Variants in TMEM132C observed in about 807,000 individuals in gnomAD.
TMEM132C encodes protein phosphatase 1, regulatory subunit 152.
TMEM132C carries 29 observed loss-of-function variants against 61.4 expected under a neutral mutation model. That is an observed-to-expected ratio of 0.47 (90% CI 0.35 to 0.64). TMEM132C has a LOEUF of 0.64. TMEM132C is among the 30% of genes least tolerant of loss of function. The probability of loss-of-function intolerance (pLI) is 0.00; values close to 1 mark genes in which losing one functional copy is unlikely to be tolerated. For synonymous variants in TMEM132C, 656 were observed against 633.1 expected (o/e 1.04, Z -0.54); for missense variants, 1,408 against 1,476.9 (o/e 0.95, Z 0.76).
intron 3 of TMEM132C, among the ~76,000 whole-genome samples, chr12:128,599,757 A>G (rs1288160952): frequency 6.6e-6 from 1 of 152,138 alleles, no homozygotes; most frequent in Non-Finnish European, 1.5e-5. Context: ...GAGGACAGAG[A>G]TTGTTAGTGT....
chr12:128,583,195 A>G (rs1356590692), intron 3 of TMEM132C, among the ~76,000 whole-genome samples: 1 of 152,230 alleles, frequency 6.6e-6, no homozygotes, highest in Admixed American at 6.5e-5. Context: ...ACTCCTAATT[A>G]TAAGTAATTT....
chr12:128,426,891 T>G (rs185617226), intron 2 of TMEM132C, among the ~76,000 whole-genome samples: 15 of 152,344 alleles, frequency 9.8e-5, no homozygotes, highest in Admixed American at 9.8e-4. Flanking sequence ...TTAGCCCATT[T>G]AAGTGTCGTC....
Position 128,705,511 on chromosome 12 carries a change from G to T in TMEM132C, c.2543G>T (p.Arg848Leu). The change falls in exon 9 of 9, where the codon CGT becomes CTT. Residue 848 changes from arginine (R) to leucine (L), a missense_variant. Transcript: ENST00000435159. ...CTCTATGGCAGCTCTCCCGTGGAGC[G>T]TGAGGAAGGGGCTCTCCGAAGAGCC... The part of the protein sequence containing the change: ...GHLYGSSPVE[R>L]EEGALRRATT... 1.3e-6 allele frequency: 2 copies of T among 1,550,948 alleles called. No individual in the cohort carries two copies. The highest frequency in any genetic ancestry group is 1.2e-5 in the South Asian group (1 of 84,044).
At position 128,427,569 on chromosome 12, in the gene TMEM132C, G is replaced by C. The variant is rs190959697; in HGVS notation, c.974+11949G>C. On this transcript the variant is annotated intron_variant, in intron 2 of 8. Coordinates refer to ENST00000435159, the MANE Select transcript of TMEM132C (RefSeq NM_001136103.3). ...CTCAGCCTAGGACACTTCCCCCAGG[G>C]CTGGATCCTCCAGACTCCCCTTCCC... is the stretch of plus-strand genomic sequence containing the variant. Among the ~76,000 whole-genome samples, 446 of 152,128 alleles carry C rather than the reference G, an allele frequency of 2.9e-3. 2 individuals carry two copies. The highest frequency in any genetic ancestry group is 0.01 in the African/African-American group (430 of 41,502).
At chr12:128,386,301 C>G (rs1221307305) in intron 1 of TMEM132C, among the ~76,000 whole-genome samples, 1 of 152,184 alleles carries the variant, frequency 6.6e-6, no homozygotes, top group East Asian at 1.9e-4. Context: ...CTTTCGCCAA[C>G]ATTTAACCCT....
intron 2 of TMEM132C, among the ~76,000 whole-genome samples, chr12:128,444,397 G>T (rs1869901812): frequency 6.6e-6 from 1 of 152,184 alleles, no homozygotes; most frequent in Non-Finnish European, 1.5e-5. Context: ...CAGGTGGAAG[G>T]CTCCGGATGG....
intron 2 of TMEM132C, among the ~76,000 whole-genome samples, chr12:128,477,111 C>T (rs543268344): frequency 6.6e-6 from 1 of 152,172 alleles, no homozygotes; most frequent in African/African-American, 2.4e-5. Context: ...AAACAACATT[C>T]ATTTATGATT....
At chr12:128,526,311 C>A (rs1424035046) in intron 2 of TMEM132C, among the ~76,000 whole-genome samples, 2 of 152,188 alleles carry the variant, frequency 1.3e-5, no homozygotes, top group African/African-American at 4.8e-5. Context: ...GATCAAGCCA[C>A]CTGCAGCTTT....
chr12:128,502,411 G>T (rs535312362), intron 2 of TMEM132C, among the ~76,000 whole-genome samples: 1 of 152,320 alleles, frequency 6.6e-6, no homozygotes, highest in South Asian at 2.1e-4. Context: ...GGGCCATTTG[G>T]ATAATAATGG....
At chr12:128,683,869 G>A (rs573357285) in intron 5 of TMEM132C, among the ~76,000 whole-genome samples, 7 of 152,272 alleles carry the variant, frequency 4.6e-5, no homozygotes, top group African/African-American at 1.7e-4. Flanking sequence ...GGGAGGCTGA[G>A]CCAGGAGAAT....
At chr12:128,419,556 G>T (rs555063887) in intron 2 of TMEM132C, among the ~76,000 whole-genome samples, 1 of 147,756 alleles carries the variant, frequency 6.8e-6, no homozygotes, top group African/African-American at 2.5e-5. Context: ...CTAACATCCT[G>T]ACAGCACCTA....
intron 3 of TMEM132C, among the ~76,000 whole-genome samples, chr12:128,580,470 A>G (rs1002503261): frequency 7.9e-5 from 12 of 152,130 alleles, no homozygotes; most frequent in Admixed American, 3.3e-4. Context: ...AACATAACCC[A>G]TGAAATAGCC....
chr12:128,425,259 G>C (rs1215596795), intron 2 of TMEM132C, among the ~76,000 whole-genome samples: 1 of 152,244 alleles, frequency 6.6e-6, no homozygotes, highest in Non-Finnish European at 1.5e-5. Context: ...ACCGCGGCCA[G>C]CCTTTGGTAC....
In TMEM132C at chr12:128,693,519, G is replaced by GATATT. The variant is rs1163000633; in HGVS notation, c.1450-310_1450-309insATATT. On this transcript the variant is annotated intron_variant, in intron 5 of 8. Transcript: ENST00000435159. ...AATATTCCCTCCTCTTACTCCTCAA[G>GATATT]TGGACAATTCTAGATACTTTTCATG... 2.0e-5 allele frequency among the ~76,000 whole-genome samples: 3 copies of GATATT among 152,274 alleles called. No homozygotes were observed. The East Asian group carries it at 5.8e-4, about 29-fold the overall frequency.
chr12:128,572,813 T>G (rs1254466710), intron 3 of TMEM132C, among the ~76,000 whole-genome samples: 1 of 152,274 alleles, frequency 6.6e-6, no homozygotes. Context: ...CATGCCCACT[T>G]CTTGAAGCCA....
At chr12:128,345,128 C>T (rs1873110944) in intron 1 of TMEM132C, among the ~76,000 whole-genome samples, 1 of 152,020 alleles carries the variant, frequency 6.6e-6, no homozygotes, top group African/African-American at 2.4e-5. Flanking sequence ...CATGATTTAG[C>T]TCCCACCTAT....
At chr12:128,489,315 T>C (rs6486687) in intron 2 of TMEM132C, among the ~76,000 whole-genome samples, 79,386 of 150,886 alleles carry the variant, frequency 0.53, 21,194 homozygotes, top group African/African-American at 0.6. Flanking sequence ...ACTTTCTTCT[T>C]GCCCACCATG....
rs1874846353 is a variant in TMEM132C, at chr12:128,570,676, T to C, written c.1121+26573T>C. On this transcript the variant is annotated intron_variant, in intron 3 of 8. Transcript: ENST00000435159. The surrounding 1 kb of genome is among the most constrained non-coding windows in gnomAD (Gnocchi z 4.7). ...CTGCTCTGCCATCTATGGCATGTGG[T>C]GGCTTTTCTCATGCTCACAGGATGA... Among the ~76,000 whole-genome samples, 1 of 152,182 alleles carries C rather than the reference T, an allele frequency of 6.6e-6. No individual in the cohort carries two copies. The highest frequency in any genetic ancestry group is 2.1e-4 in the South Asian group (1 of 4,834).
intron 3 of TMEM132C, among the ~76,000 whole-genome samples, chr12:128,559,652 G>C (rs77178493): frequency 9.2e-5 from 14 of 152,112 alleles, no homozygotes; most frequent in Non-Finnish European, 2.1e-4. Context: ...CTATTGAGTG[G>C]CCTGAGATTA....
Sources: gnomAD v4.1 joint callset for allele counts (sites outside exome capture counted in the v4.1 genomes callset) on GRCh38, gnomAD v4.1.1 for gene constraint, Gnocchi (gnomAD v3.1) non-coding constraint, MANE v1.5 for transcripts, NCBI Gene and HGNC (gene_info 2026-07-23, HGNC 2026-07-21) for gene names.